Variants in SORCS1 observed in about 807,000 individuals in gnomAD.
The protein encoded by SORCS1 is sortilin related VPS10 domain containing receptor 1, also known as VPS10 domain-containing receptor SorCS1.
A neutral mutation model predicts 146.1 loss-of-function variants in SORCS1; 60 were observed. That is an observed-to-expected ratio of 0.41 (90% CI 0.33 to 0.51). The LOEUF (loss-of-function observed/expected upper bound fraction) is 0.51. SORCS1 is among the 20% of genes least tolerant of loss of function. The probability of loss-of-function intolerance (pLI) is 0.21; values close to 1 mark genes in which losing one functional copy is unlikely to be tolerated. For synonymous variants in SORCS1, 637 were observed against 584.0 expected (o/e 1.09, Z -1.31); for missense variants, 1,352 against 1,487.6 (o/e 0.91, Z 1.50).
intron 21 of SORCS1, among the ~76,000 whole-genome samples, chr10:106,616,722 GAAAGGA>G (rs1379488133): frequency 1.3e-5 from 2 of 152,188 alleles, no homozygotes; most frequent in Non-Finnish European, 2.9e-5. Flanking sequence ...ACCCAGCCAT[GAAAGGA>G]ATAGTGTCCT....
At chr10:106,858,480 T>C (rs4917489) in intron 2 of SORCS1, among the ~76,000 whole-genome samples, 78,931 of 151,626 alleles carry the variant, frequency 0.52, 21,561 homozygotes, top group African/African-American at 0.7. Context: ...ATTAGCTGGG[T>C]GTGGTGGCAG....
chr10:106,953,569 C>T (rs1002443458), intron 2 of SORCS1, among the ~76,000 whole-genome samples: 4 of 151,802 alleles, frequency 2.6e-5, no homozygotes, highest in African/African-American at 9.7e-5. Context: ...TGGATGAATT[C>T]GGAGAAACAT....
intron 2 of SORCS1, among the ~76,000 whole-genome samples, chr10:106,933,783 T>C (rs1331374395): frequency 1.3e-5 from 2 of 152,132 alleles, no homozygotes; most frequent in African/African-American, 2.4e-5. Flanking sequence ...CAGATATCAA[T>C]AGCAACTTCA....
intron 18 of SORCS1, among the ~76,000 whole-genome samples, chr10:106,641,996 T>C (rs1347279791): frequency 6.6e-6 from 1 of 152,204 alleles, no homozygotes; most frequent in Non-Finnish European, 1.5e-5. Flanking sequence ...AATTGGCTCT[T>C]GGTAAAATAT....
intron 1 of SORCS1, among the ~76,000 whole-genome samples, chr10:106,985,287 G>A (rs1426069135): frequency 1.3e-5 from 2 of 152,116 alleles, no homozygotes; most frequent in East Asian, 3.9e-4. Context: ...AATGACTTTT[G>A]AGTGGAAACA....
chr10:106,867,437 A>C (rs781331539), intron 2 of SORCS1, among the ~76,000 whole-genome samples: 1 of 151,908 alleles, frequency 6.6e-6, no homozygotes, highest in Non-Finnish European at 1.5e-5. Context: ...GGCACCCACC[A>C]CCACGCCCGG....
chr10:106,822,787 T>TTTTTGTTTGTTTG (rs1177485949), intron 3 of SORCS1, among the ~76,000 whole-genome samples: 9 of 139,508 alleles, frequency 6.5e-5, no homozygotes, highest in African/African-American at 1.9e-4. Flanking sequence ...GTGTGGTTTT[T>TTTTTGTTTGTTTG]TTTTTTTTTT....
intron 1 of SORCS1, among the ~76,000 whole-genome samples, chr10:107,021,783 T>C (rs1483235978): frequency 1.3e-5 from 2 of 152,182 alleles, no homozygotes; most frequent in South Asian, 2.1e-4. Flanking sequence ...ACTAGCCTGA[T>C]CAATTATTTA....
chr10:106,597,280 AG>A, intron 24 of SORCS1, 70 bp downstream of exon 24: 1 of 1,236,306 alleles, frequency 8.1e-7, no homozygotes, highest in Non-Finnish European at 1.2e-6. Flanking sequence ...CCTTTTTATG[AG>A]GAAGGAAGCA....
chr10:106,961,118 C>T (rs533251137), intron 1 of SORCS1, among the ~76,000 whole-genome samples: 1 of 152,116 alleles, frequency 6.6e-6, no homozygotes, highest in African/African-American at 2.4e-5. Flanking sequence ...ATATGGATGA[C>T]TAATAAGACT....
At chr10:107,024,029 C>G (rs1310118753) in intron 1 of SORCS1, among the ~76,000 whole-genome samples, 1 of 152,032 alleles carries the variant, frequency 6.6e-6, no homozygotes, top group Non-Finnish European at 1.5e-5. Flanking sequence ...GAAAAATTAG[C>G]CGGGCATGGT....
At chr10:106,958,215 G>A (rs1305250332) in intron 1 of SORCS1, among the ~76,000 whole-genome samples, 1 of 152,170 alleles carries the variant, frequency 6.6e-6, no homozygotes, top group Non-Finnish European at 1.5e-5. Context: ...AACATTATGG[G>A]TTTGCTCAGT....
chr10:107,165,735 G>A (rs1019534424), upstream of SORCS1, among the ~76,000 whole-genome samples: 6 of 152,188 alleles, frequency 3.9e-5, no homozygotes, highest in Middle Eastern at 3.2e-3. The surrounding 1 kb of genome is among the most constrained non-coding windows in gnomAD (Gnocchi z 4.0). Context: ...CAGTGCTACT[G>A]CCACATGCTT....
intron 2 of SORCS1, among the ~76,000 whole-genome samples, chr10:106,944,869 G>C (rs1289180947): frequency 1.6e-5 from 1 of 62,728 alleles, no homozygotes; most frequent in African/African-American, 4.6e-5. Context: ...GCAAGAAAGA[G>C]CCTTCTTTTT....
intron 1 of SORCS1, among the ~76,000 whole-genome samples, chr10:107,109,911 T>C (rs967477127): frequency 6.6e-6 from 1 of 152,250 alleles, no homozygotes; most frequent in Non-Finnish European, 1.5e-5. Flanking sequence ...TAGAAATTTC[T>C]TCTGCCAGAT....
In SORCS1 at chr10:107,138,188, T is replaced by C. The variant is rs536448865; in HGVS notation, c.558+25781A>G. ...AATGAATCCTCTATCTCCTAAATGA[T>C]CTCTCCACCCCTTAAATCCTTTCTG... On this transcript the variant is annotated intron_variant, in intron 1 of 25. Transcript: ENST00000263054. Among the ~76,000 whole-genome samples, 9 of 152,312 alleles carry C rather than the reference T, an allele frequency of 5.9e-5. No individual in the cohort carries two copies. The East Asian group carries it at 1.4e-3, about 23-fold the overall frequency.
chr10:107,072,207 A>G (rs536134007), intron 1 of SORCS1, among the ~76,000 whole-genome samples: 69 of 152,128 alleles, frequency 4.5e-4, no homozygotes, highest in Non-Finnish European at 7.5e-4. Context: ...TTCCTGAAGC[A>G]CCCTCTGCTT....
intron 2 of SORCS1, among the ~76,000 whole-genome samples, chr10:106,942,074 G>A (rs184059260): frequency 6.6e-6 from 1 of 152,272 alleles, no homozygotes; most frequent in Admixed American, 6.5e-5. Flanking sequence ...CTAGAGAGCT[G>A]AGTGAATTTC....
At chr10:106,680,056 C>G (rs1056774066) in intron 10 of SORCS1, among the ~76,000 whole-genome samples, 1 of 152,058 alleles carries the variant, frequency 6.6e-6, no homozygotes, top group Non-Finnish European at 1.5e-5. Context: ...AAAAGAGAAT[C>G]TTTTAACAGC....
Sources: gnomAD v4.1 joint callset for allele counts (sites outside exome capture counted in the v4.1 genomes callset) on GRCh38, gnomAD v4.1.1 for gene constraint, Gnocchi (gnomAD v3.1) non-coding constraint, MANE v1.5 for transcripts, NCBI Gene and HGNC (gene_info 2026-07-23, HGNC 2026-07-21) for gene names.